Variants in CDH18 observed in about 807,000 individuals in gnomAD.
The protein encoded by CDH18 is cadherin-18.
A neutral mutation model predicts 67.9 loss-of-function variants in CDH18; 31 were observed. That is an observed-to-expected ratio of 0.46 (90% CI 0.34 to 0.62). CDH18 has a LOEUF of 0.62. CDH18 is among the 20% of genes least tolerant of loss of function. The pLI is 0.01. For synonymous variants in CDH18, 362 were observed against 347.2 expected (o/e 1.04, Z -0.48); for missense variants, 890 against 975.5 (o/e 0.91, Z 1.17).
At chr5:20,314,241 T>C (rs369723929) in intron 1 of CDH18, among the ~76,000 whole-genome samples, 90 of 152,176 alleles carry the variant, frequency 5.9e-4, no homozygotes, top group African/African-American at 2.1e-3. Flanking sequence ...GTTTCTGTGT[T>C]AGCTTTGCTA....
At position 19,747,360 on chromosome 5, in the gene CDH18, G is replaced by A. The variant is rs563190110; in HGVS notation, c.229-124C>T. 8.6e-5 allele frequency: 59 copies of A among 688,522 alleles called. No individual in the cohort carries two copies. The Middle Eastern group carries it at 1.5e-3, about 18-fold the overall frequency. 42.7% of individuals were successfully genotyped at this position (688,522 alleles called of 1,614,324 possible). A position where few individuals can be genotyped will look rare whatever the true frequency, so the allele number is the denominator to read the frequency against. ...TTTTCTTCCCTTTACAGTGCCCTGTGTGTTACTACTATCATTTGCTTTTCT... is the reference window on the plus strand; with the variant it reads ...TTTTCTTCCCTTTACAGTGCCCTGTATGTTACTACTATCATTTGCTTTTCT... On this transcript the variant is annotated intron_variant, in intron 3 of 12. Transcript: ENST00000382275.
intron 5 of CDH18, among the ~76,000 whole-genome samples, chr5:19,669,433 C>G (rs1023644916): frequency 4.6e-5 from 7 of 151,748 alleles, no homozygotes; most frequent in Non-Finnish European, 1.0e-4. Flanking sequence ...GCTGGGATTA[C>G]AGGCACATGC....
intron 2 of CDH18, among the ~76,000 whole-genome samples, chr5:19,843,160 G>C (rs1438064577): frequency 6.6e-6 from 1 of 152,144 alleles, no homozygotes; most frequent in Admixed American, 6.5e-5. Flanking sequence ...TGTCTCCAGG[G>C]CATGTCAGAG....
chr5:19,630,841 C>T (rs986995190), intron 5 of CDH18, among the ~76,000 whole-genome samples: 2 of 151,762 alleles, frequency 1.3e-5, no homozygotes, highest in Non-Finnish European at 2.9e-5. Context: ...GGGAAGAACC[C>T]GACAGGATTA....
At chr5:20,060,058 G>A (rs976062968) in intron 2 of CDH18, among the ~76,000 whole-genome samples, 1 of 152,014 alleles carries the variant, frequency 6.6e-6, no homozygotes, top group African/African-American at 2.4e-5. Context: ...AAACCACCAT[G>A]GCACGTGTAT....
At chr5:20,327,095 C>A (rs2150017541) in intron 1 of CDH18, among the ~76,000 whole-genome samples, 1 of 152,192 alleles carries the variant, frequency 6.6e-6, no homozygotes, top group South Asian at 2.1e-4. Context: ...GGAGCTATAA[C>A]TATGTATTAT....
chr5:20,392,520 A>ACTATT (rs1744948785), intron 1 of CDH18, among the ~76,000 whole-genome samples: 1 of 151,878 alleles, frequency 6.6e-6, no homozygotes, highest in African/African-American at 2.4e-5. Context: ...CTTATAACTC[A>ACTATT]CTATTCAGTG....
intron 2 of CDH18, among the ~76,000 whole-genome samples, chr5:19,997,187 T>C (rs1736085079): frequency 1.3e-5 from 2 of 152,070 alleles, no homozygotes. Context: ...ATGGAAAAAC[T>C]TTTAAAACAA....
chr5:20,183,920 T>TA (rs1737891955), intron 2 of CDH18, among the ~76,000 whole-genome samples: 1 of 152,120 alleles, frequency 6.6e-6, no homozygotes, highest in Non-Finnish European at 1.5e-5. Context: ...CCTCAAAATT[T>TA]ATAATTTCAA....
At chr5:20,562,575 A>G (rs1758279890) in intron 1 of CDH18, among the ~76,000 whole-genome samples, 1 of 151,616 alleles carries the variant, frequency 6.6e-6, no homozygotes, top group South Asian at 2.1e-4. Flanking sequence ...CTAGAACGTT[A>G]TATTCTAATA....
intron 5 of CDH18, among the ~76,000 whole-genome samples, chr5:19,702,492 G>A (rs1040231407): frequency 1.3e-4 from 19 of 151,636 alleles, no homozygotes; most frequent in South Asian, 4.2e-4. Flanking sequence ...TCAGCCGGGC[G>A]TGGTGGCTCA....
chr5:20,141,419 C>T (rs952979277), intron 2 of CDH18, among the ~76,000 whole-genome samples: 2 of 152,052 alleles, frequency 1.3e-5, no homozygotes, highest in African/African-American at 4.8e-5. Context: ...TAGATATGAA[C>T]TGCTGTATGA....
At chr5:20,444,679 C>A (rs905143308) in intron 1 of CDH18, among the ~76,000 whole-genome samples, 2 of 152,246 alleles carry the variant, frequency 1.3e-5, no homozygotes, top group Non-Finnish European at 2.9e-5. Context: ...AATTTTCTTT[C>A]TCATACTCAA....
intron 1 of CDH18, among the ~76,000 whole-genome samples, chr5:20,554,549 T>A (rs548006702): frequency 1.7e-3 from 261 of 152,350 alleles, no homozygotes; most frequent in Non-Finnish European, 2.4e-3. Flanking sequence ...AATTACCATA[T>A]TTTATATCTC....
At chr5:20,328,309 A>G (rs898934062) in intron 1 of CDH18, among the ~76,000 whole-genome samples, 9 of 152,192 alleles carry the variant, frequency 5.9e-5, no homozygotes, top group East Asian at 1.9e-4. Flanking sequence ...TGACCAAAGT[A>G]GCTGTTGCAT....
intron 4 of CDH18, among the ~76,000 whole-genome samples, chr5:19,723,042 C>A (rs1158727672): frequency 6.6e-6 from 1 of 151,828 alleles, no homozygotes. Context: ...ACCAGCCTGG[C>A]AAACATGGTG....
At chr5:20,344,427 A>G (rs1464619740) in intron 1 of CDH18, among the ~76,000 whole-genome samples, 3 of 152,224 alleles carry the variant, frequency 2.0e-5, no homozygotes, top group South Asian at 2.1e-4. Context: ...AGATACCTTT[A>G]CTAACTGGGT....
intron 1 of CDH18, among the ~76,000 whole-genome samples, chr5:20,362,385 A>T (rs1742156654): frequency 1.3e-5 from 2 of 152,200 alleles, no homozygotes; most frequent in Admixed American, 1.3e-4. Context: ...GAAGCATGTG[A>T]ACTAAGTACT....
chr5:19,972,629 A>T (rs1798135456), intron 2 of CDH18, among the ~76,000 whole-genome samples: 1 of 152,072 alleles, frequency 6.6e-6, no homozygotes, highest in South Asian at 2.1e-4. Flanking sequence ...AATGACTAAA[A>T]TGAATAAGAC....
Sources: gnomAD v4.1 joint callset for allele counts (sites outside exome capture counted in the v4.1 genomes callset) on GRCh38, gnomAD v4.1.1 for gene constraint, MANE v1.5 for transcripts, NCBI Gene and HGNC (gene_info 2026-07-23, HGNC 2026-07-21) for gene names.